The following LRBA variants were observed in gnomAD, a reference collection of about 807,000 sequenced individuals.
The protein encoded by LRBA is LPS responsive beige-like anchor protein.
Under a neutral mutation model 330.0 loss-of-function variants are expected in LRBA, and 176 were observed. That is an observed-to-expected ratio of 0.53 (90% CI 0.47 to 0.60). LRBA has a LOEUF of 0.60. LRBA is among the 20% of genes least tolerant of loss of function. The pLI, the probability that LRBA is intolerant of heterozygous loss-of-function variation, is 0.00. For synonymous variants in LRBA, 1,230 were observed against 1,193.0 expected (o/e 1.03, Z -0.64); for missense variants, 3,259 against 3,444.8 (o/e 0.95, Z 1.35).
In LRBA at chr4:150,583,319, G is replaced by A. The variant is rs760455579; in HGVS notation, c.6330+4729C>T. On this transcript the variant is annotated intron_variant, in intron 40 of 56. Coordinates refer to ENST00000651943, the MANE Select transcript of LRBA (RefSeq NM_001364905.1). The surrounding 1 kb of genome is among the most constrained non-coding windows in gnomAD (Gnocchi z 9.8). ...GTGGACGACGGCTCGCTGCCCGGCT[G>A]CGCAGTGCTCAAACTGAGCGATGGG... 97 of 1,614,108 alleles carry A rather than the reference G, an allele frequency of 6.0e-5. No homozygotes were observed. Among genetic ancestry groups the A allele is most frequent in the Non-Finnish European group, 7.9e-5 (93 of 1,180,058 alleles).
chr4:150,541,767 G>T (rs748210918), intron 40 of LRBA, among the ~76,000 whole-genome samples: 29 of 152,012 alleles, frequency 1.9e-4, no homozygotes, highest in African/African-American at 6.8e-4. Context: ...CTCATAGCTC[G>T]CTGCAGCCTT....
At chr4:150,675,697 G>A (rs1172937829) in intron 37 of LRBA, among the ~76,000 whole-genome samples, 3 of 151,708 alleles carry the variant, frequency 2.0e-5, no homozygotes, top group Non-Finnish European at 1.5e-5. Flanking sequence ...CAACCTGGGC[G>A]ACAAAGCGAG....
intron 40 of LRBA, among the ~76,000 whole-genome samples, chr4:150,492,244 A>G (rs895240249): frequency 2.6e-5 from 4 of 152,108 alleles, no homozygotes; most frequent in Non-Finnish European, 5.9e-5. Context: ...TTCTACAAAA[A>G]TGATTCTATT....
intron 50 of LRBA, among the ~76,000 whole-genome samples, chr4:150,319,919 C>T (rs572850139): frequency 5.3e-5 from 8 of 152,302 alleles, no homozygotes; most frequent in Admixed American, 2.6e-4. Context: ...GGTATTCTAA[C>T]GAGCAGTGCT....
intron 36 of LRBA, among the ~76,000 whole-genome samples, chr4:150,688,212 G>A (rs531380863): frequency 1.1e-4 from 16 of 152,102 alleles, no homozygotes; most frequent in African/African-American, 2.6e-4. Context: ...GAAAGGATTC[G>A]CTATTTAATA....
intron 47 of LRBA, among the ~76,000 whole-genome samples, chr4:150,364,074 T>C (rs1449345746): frequency 1.3e-5 from 2 of 152,192 alleles, no homozygotes; most frequent in Non-Finnish European, 2.9e-5. Context: ...TATTAAAGTA[T>C]CATCTTTCAA....
At chr4:150,628,823 A>G (rs184377780) in intron 37 of LRBA, among the ~76,000 whole-genome samples, 5 of 152,334 alleles carry the variant, frequency 3.3e-5, no homozygotes, top group African/African-American at 1.2e-4. Context: ...TCAAAAACTC[A>G]TATCATGTTG....
rs190271091 is a variant in LRBA at position 150,358,519 on chromosome 4, T to C, written c.7195-8360A>G. Among the ~76,000 whole-genome samples, 5 of 152,256 alleles carry C rather than the reference T, an allele frequency of 3.3e-5. No individual in the cohort carries two copies. The East Asian group carries it at 7.7e-4, about 23-fold the overall frequency. Reference sequence around the variant, plus strand: ...ATTAAAATGTTTAAAACAGGTATACTAGATGTTCAACTCTTTAAAAAATTA... The same window carrying C: ...ATTAAAATGTTTAAAACAGGTATACCAGATGTTCAACTCTTTAAAAAATTA... On this transcript the variant is annotated intron_variant, in intron 47 of 56. Transcript: ENST00000651943.
At chr4:150,898,863 C>T (rs1730410470) in intron 14 of LRBA, among the ~76,000 whole-genome samples, 1 of 152,142 alleles carries the variant, frequency 6.6e-6, no homozygotes, top group Admixed American at 6.6e-5. Context: ...ACCTTGCCAG[C>T]TTAAAAAGTT....
intron 34 of LRBA, among the ~76,000 whole-genome samples, chr4:150,796,290 T>A (rs941599124): frequency 9.9e-5 from 15 of 152,088 alleles, no homozygotes; most frequent in Admixed American, 7.2e-4. Context: ...ATTGCCAAGT[T>A]GACCTCTTTG....
At chr4:150,908,533 CACA>C in intron 10 of LRBA, 66 bp from the exon 11 acceptor site, 1 of 1,501,218 alleles carries the variant, frequency 6.7e-7, no homozygotes, top group Non-Finnish European at 9.0e-7. Context: ...AAAAATAAGG[CACA>C]ACAATAAATG....
intron 47 of LRBA, among the ~76,000 whole-genome samples, chr4:150,353,683 G>T (rs1737461656): frequency 6.6e-6 from 1 of 152,112 alleles, no homozygotes; most frequent in Admixed American, 6.5e-5. Context: ...ATATCATGCT[G>T]CAAACACACA....
intron 22 of LRBA, 127 bp downstream of exon 22, chr4:150,867,544 T>G (rs1752879814): frequency 1.6e-6 from 1 of 624,828 alleles, no homozygotes; most frequent in South Asian, 2.2e-5. Flanking sequence ...GCTTTCATTT[T>G]GCTGTACTTT....
chr4:150,353,687 A>G (rs1409399181), intron 47 of LRBA, among the ~76,000 whole-genome samples: 1 of 152,176 alleles, frequency 6.6e-6, no homozygotes, highest in Non-Finnish European at 1.5e-5. Flanking sequence ...CATGCTGCAA[A>G]CACACATGCA....
chr4:150,267,024 A>G (rs907099733), intron 56 of LRBA, among the ~76,000 whole-genome samples: 1 of 152,256 alleles, frequency 6.6e-6, no homozygotes, highest in Non-Finnish European at 1.5e-5. Context: ...ATATGCATTT[A>G]TCATCAGACC....
At chr4:150,394,284 T>G (rs1396793773) in intron 47 of LRBA, among the ~76,000 whole-genome samples, 3 of 152,160 alleles carry the variant, frequency 2.0e-5, no homozygotes, top group Admixed American at 6.6e-5. Context: ...CTCCAAATAT[T>G]CTGAGTATGA....
chr4:150,820,575 A>C (rs1260011755), intron 30 of LRBA, among the ~76,000 whole-genome samples: 1 of 152,066 alleles, frequency 6.6e-6, no homozygotes, highest in Non-Finnish European at 1.5e-5. Flanking sequence ...TATATAATAG[A>C]GAAATAAAAT....
At chr4:150,565,602 A>C (rs1769024416) in intron 40 of LRBA, among the ~76,000 whole-genome samples, 1 of 152,158 alleles carries the variant, frequency 6.6e-6, no homozygotes, top group Admixed American at 6.6e-5. Flanking sequence ...ATACATTTTA[A>C]ATATAGAGAT....
intron 37 of LRBA, among the ~76,000 whole-genome samples, chr4:150,651,707 C>T (rs1779723952): frequency 6.6e-6 from 1 of 152,104 alleles, no homozygotes; most frequent in African/African-American, 2.4e-5. Context: ...AAGGATGTTA[C>T]TACAGTTTGC....
Sources: allele counts gnomAD v4.1 joint callset (sites outside exome capture counted in the v4.1 genomes callset), GRCh38; gene constraint gnomAD v4.1.1; non-coding constraint Gnocchi (gnomAD v3.1); transcripts MANE v1.5; gene names NCBI Gene and HGNC (gene_info 2026-07-23, HGNC 2026-07-21).